The following SPMIP2 variants were observed in gnomAD, a reference collection of about 807,000 sequenced individuals.
SPMIP2 encodes protein SPMIP2.
At chr4:158,984,249 C>G in the SPMIP2 span, among the ~76,000 whole-genome samples, 1 of 53,054 alleles carries the variant, frequency 1.9e-5, no homozygotes, top group African/African-American at 6.1e-5. Context: ...CAAGGATACC[C>G]AGGAATTGAA....
At chr4:158,899,323 T>C in the SPMIP2 span, among the ~76,000 whole-genome samples, 8 of 152,154 alleles carry the variant, frequency 5.3e-5, no homozygotes, top group South Asian at 2.1e-4. Context: ...TTTTGTTGGG[T>C]CTCTGCCAGG....
chr4:158,919,746 T>G, the SPMIP2 span, among the ~76,000 whole-genome samples: 1 of 152,232 alleles, frequency 6.6e-6, no homozygotes, highest in African/African-American at 2.4e-5. Flanking sequence ...CAGTAAGTAA[T>G]AATCCATCAC....
At chr4:158,955,816 T>C in the SPMIP2 span, among the ~76,000 whole-genome samples, 1 of 152,250 alleles carries the variant, frequency 6.6e-6, no homozygotes, top group Non-Finnish European at 1.5e-5. Context: ...GCATCCTGAT[T>C]TCAAGAATAT....
chr4:158,904,901 T>C, the SPMIP2 span: 1 of 213,006 alleles, frequency 4.7e-6, no homozygotes, highest in South Asian at 9.3e-5. Flanking sequence ...AGCGGGGTGG[T>C]CAGCAGTGTA....
chr4:159,050,327 G>C, the SPMIP2 span, among the ~76,000 whole-genome samples: 1 of 150,876 alleles, frequency 6.6e-6, no homozygotes, highest in African/African-American at 2.4e-5. Context: ...AGAATGGAAA[G>C]GGAGGTGTGA....
At chr4:158,917,659 T>C in the SPMIP2 span, among the ~76,000 whole-genome samples, 1 of 151,704 alleles carries the variant, frequency 6.6e-6, no homozygotes, top group South Asian at 2.1e-4. Context: ...CATCACCTTT[T>C]CCCTGAAGAC....
the SPMIP2 span, among the ~76,000 whole-genome samples, chr4:158,958,267 G>A: frequency 3.0e-4 from 46 of 152,182 alleles, no homozygotes; most frequent in Admixed American, 9.2e-4. Context: ...CCTGAATAGC[G>A]GAGACAGGCA....
At chr4:159,034,898 A>G in the SPMIP2 span, 1 of 695,694 alleles carries the variant, frequency 1.4e-6, no homozygotes, top group African/African-American at 1.8e-5. Context: ...CTCAAAAAAA[A>G]AAACCCAAAA....
the SPMIP2 span, among the ~76,000 whole-genome samples, chr4:158,961,367 C>T: frequency 1.3e-4 from 20 of 152,082 alleles, no homozygotes; most frequent in African/African-American, 4.8e-4. Context: ...GTCATCTTCT[C>T]AGGGATAAAG....
chr4:158,975,134 G>A, the SPMIP2 span, among the ~76,000 whole-genome samples: 5 of 148,340 alleles, frequency 3.4e-5, no homozygotes, highest in South Asian at 4.4e-4. Context: ...CATATCCTTC[G>A]CCCACTTTTT....
the SPMIP2 span, among the ~76,000 whole-genome samples, chr4:159,019,276 C>A: frequency 9.5e-6 from 1 of 105,308 alleles, no homozygotes; most frequent in African/African-American, 3.6e-5. Flanking sequence ...GAGCTCAGAG[C>A]TCTTTTTGAG....
At chr4:158,940,559 C>CTTTTT in the SPMIP2 span, among the ~76,000 whole-genome samples, 8 of 135,122 alleles carry the variant, frequency 5.9e-5, no homozygotes, top group Admixed American at 3.7e-4. Flanking sequence ...GTTGTTCCTT[C>CTTTTT]TTTTTTTTTT....
chr4:159,040,372 C>T, the SPMIP2 span, among the ~76,000 whole-genome samples: 5 of 151,834 alleles, frequency 3.3e-5, no homozygotes, highest in Non-Finnish European at 7.4e-5. Context: ...GGGGTTTCAC[C>T]GTGTTAGCCA....
At chr4:159,035,187 C>T in the SPMIP2 span, 1 of 1,010,164 alleles carries the variant, frequency 9.9e-7, no homozygotes, top group Non-Finnish European at 1.5e-6. Context: ...ACTCTGCAGT[C>T]TTTCCTCTCC....
At chr4:158,920,820 C>T in the SPMIP2 span, among the ~76,000 whole-genome samples, 2 of 152,194 alleles carry the variant, frequency 1.3e-5, no homozygotes, top group African/African-American at 4.8e-5. Flanking sequence ...CCCTCAGAAG[C>T]ATGTGATCTT....
the SPMIP2 span, among the ~76,000 whole-genome samples, chr4:158,926,134 T>C: frequency 0.04 from 6,132 of 152,312 alleles, 206 homozygotes; most frequent in Non-Finnish European, 0.06. Flanking sequence ...GTCAATTATA[T>C]CATTTAAGAA....
the SPMIP2 span, among the ~76,000 whole-genome samples, chr4:158,941,013 A>G: frequency 2.6e-5 from 4 of 152,294 alleles, no homozygotes; most frequent in Admixed American, 2.6e-4. Context: ...AAGAAGCACC[A>G]ATTTCTTTTA....
chr4:158,944,941 G>A, the SPMIP2 span, among the ~76,000 whole-genome samples: 2 of 152,180 alleles, frequency 1.3e-5, no homozygotes, highest in African/African-American at 2.4e-5. Flanking sequence ...TGCCCTTGTC[G>A]CTTTGGGTAC....
the SPMIP2 span, among the ~76,000 whole-genome samples, chr4:159,073,518 AT>A: frequency 2.0e-5 from 3 of 152,194 alleles, no homozygotes; most frequent in Non-Finnish European, 2.9e-5. Flanking sequence ...GACCAAAAAA[AT>A]AAATAAGTAA....
Sources: gnomAD v4.1 joint callset for allele counts (sites outside exome capture counted in the v4.1 genomes callset) on GRCh38, gnomAD v4.1.1 for gene constraint, MANE v1.5 for transcripts, NCBI Gene and HGNC (gene_info 2026-07-23, HGNC 2026-07-21) for gene names.